The following RFX3 variants were observed in gnomAD, a reference collection of about 807,000 sequenced individuals.
RFX3 encodes the protein regulatory factor X3, also known as transcription factor RFX3.
Under a neutral mutation model 98.6 loss-of-function variants are expected in RFX3, and 14 were observed. That is an observed-to-expected ratio of 0.14 (90% confidence interval 0.09 to 0.22). The LOEUF (loss-of-function observed/expected upper bound fraction) is 0.22. Ranked by LOEUF, RFX3 falls within the 10% of genes least tolerant of loss-of-function variation. The pLI is 1.00. For synonymous variants in RFX3, 383 were observed against 328.4 expected (o/e 1.17, Z -1.80); for missense variants, 639 against 926.9 (o/e 0.69, Z 4.03).
At chr9:3,416,713 C>T (rs1362276798) in intron 1 of RFX3, among the ~76,000 whole-genome samples, 1 of 151,900 alleles carries the variant, frequency 6.6e-6, no homozygotes, top group Non-Finnish European at 1.5e-5. Flanking sequence ...TTAGTAACCA[C>T]TGAAAGAGTA....
At chr9:3,326,260 A>G (rs1831903527) in intron 4 of RFX3, among the ~76,000 whole-genome samples, 1 of 152,160 alleles carries the variant, frequency 6.6e-6, no homozygotes, top group Non-Finnish European at 1.5e-5. Flanking sequence ...AAATTTGAGT[A>G]TTAGTAGTTG....
intron 3 of RFX3, among the ~76,000 whole-genome samples, chr9:3,344,479 G>A (rs568239540): frequency 1.4e-4 from 21 of 152,122 alleles, no homozygotes; most frequent in African/African-American, 4.3e-4. Context: ...TCAGATTTTC[G>A]GCTCAACTGG....
At chr9:3,263,106 T>C (rs771968114) in intron 12 of RFX3, 22 bp from the exon 13 acceptor site, 11 of 1,609,140 alleles carry the variant, frequency 6.8e-6, no homozygotes, top group Non-Finnish European at 9.3e-6. Flanking sequence ...TCCAATTAAG[T>C]TGGGATTCTG....
rs1290328879 is a variant in RFX3 at position 3,224,123 on chromosome 9, G to C, written c.*919C>G. Reference sequence around the variant, plus strand: ...GGAATAAAAGAAAGTCATCCAAATGGAATGGTTTCCTGTATGTCCAGCTCA... The same window carrying C: ...GGAATAAAAGAAAGTCATCCAAATGCAATGGTTTCCTGTATGTCCAGCTCA... On this transcript the variant is annotated 3_prime_UTR_variant, in exon 17 of 17. Coordinates refer to ENST00000617270, the MANE Select transcript of RFX3 (RefSeq NM_001282116.2). The C allele has an allele frequency of 6.6e-6, 1 of 151,934 alleles. No individual in the cohort carries two copies. The highest frequency in any genetic ancestry group is 1.5e-5 in the Non-Finnish European group (1 of 67,992). The allele number at this position is 151,934 out of a possible 1,614,324, so 9.4% of individuals were successfully genotyped here.
intron 5 of RFX3, 146 bp downstream of exon 5, chr9:3,301,400 T>A (rs1235803048): frequency 3.9e-6 from 2 of 507,384 alleles, no homozygotes; most frequent in Non-Finnish European, 7.2e-6. Flanking sequence ...AAAATAGCCA[T>A]TAAATGACAC....
chr9:3,291,495 A>C (rs188046110), intron 6 of RFX3, among the ~76,000 whole-genome samples: 77 of 152,276 alleles, frequency 5.1e-4, no homozygotes, highest in African/African-American at 1.8e-3. Flanking sequence ...GAACCATTAG[A>C]TCATACCCCT....
chr9:3,452,423 T>C, intron 1 of RFX3: 2 of 226,752 alleles, frequency 8.8e-6, no homozygotes, highest in Non-Finnish European at 1.9e-5. Context: ...AGACACCAGG[T>C]CTATAAAATA....
intron 3 of RFX3, among the ~76,000 whole-genome samples, chr9:3,336,248 C>T (rs1269664626): frequency 1.3e-5 from 2 of 151,974 alleles, no homozygotes; most frequent in Non-Finnish European, 1.5e-5. Flanking sequence ...ATTCTTTTAA[C>T]AAATATTTAA....
chr9:3,445,728 G>A (rs1845989229), intron 1 of RFX3, among the ~76,000 whole-genome samples: 3 of 152,042 alleles, frequency 2.0e-5, no homozygotes, highest in African/African-American at 7.2e-5. Flanking sequence ...CAACGCGATC[G>A]ATAGGAGATC....
chr9:3,366,663 TTTCTCTTTC>T, intron 2 of RFX3, among the ~76,000 whole-genome samples: 1 of 151,612 alleles, frequency 6.6e-6, no homozygotes, highest in African/African-American at 2.4e-5. Context: ...TTTCCTTTTC[TTTCTCTTTC>T]TCTTTCTTTC....
At position 3,424,113 on chromosome 9, in the gene RFX3, C is replaced by G. The variant is rs967029944; in HGVS notation, c.-8-28517G>C. On this transcript the variant is annotated intron_variant, in intron 1 of 16. Coordinates refer to ENST00000617270, the MANE Select transcript of RFX3 (RefSeq NM_001282116.2). ...AGTGAGCTGAGATCGCGCCACTACACTCCAGCCTGGGCGACAGAGGGAGAC... is the reference window on the plus strand; with the variant it reads ...AGTGAGCTGAGATCGCGCCACTACAGTCCAGCCTGGGCGACAGAGGGAGAC... 4.0e-5 allele frequency among the ~76,000 whole-genome samples: 6 copies of G among 150,426 alleles called. No individual in the cohort carries two copies. In the East Asian group the frequency reaches 1.0e-3, roughly 25 times the overall value.
At chr9:3,508,131 G>A (rs10814189) in intron 1 of RFX3, among the ~76,000 whole-genome samples, 23,901 of 151,846 alleles carry the variant, frequency 0.16, 3,249 homozygotes, top group East Asian at 0.57. Context: ...CTTTTTAGAG[G>A]ACTCTATTAA....
chr9:3,504,131 ATATATAT>A (rs1816369899), intron 1 of RFX3, among the ~76,000 whole-genome samples: 3 of 123,248 alleles, frequency 2.4e-5, no homozygotes, highest in South Asian at 4.6e-4. Context: ...CTCTCTCTTT[ATATATAT>A]TATATATTAT....
intron 15 of RFX3, among the ~76,000 whole-genome samples, chr9:3,239,900 G>C (rs1434267692): frequency 2.6e-5 from 4 of 152,292 alleles, no homozygotes; most frequent in Middle Eastern, 3.4e-3. Flanking sequence ...GTGGCTCTGA[G>C]TTCCCTTCCA....
chr9:3,262,720 T>C (rs75475607), intron 13 of RFX3, among the ~76,000 whole-genome samples: 3,561 of 152,304 alleles, frequency 0.023, 135 homozygotes, highest in African/African-American at 0.081. Context: ...ATATATTACG[T>C]TGTCTTTTAG....
At chr9:3,507,811 T>A (rs1817251261) in intron 1 of RFX3, among the ~76,000 whole-genome samples, 2 of 152,020 alleles carry the variant, frequency 1.3e-5, no homozygotes, top group Admixed American at 6.6e-5. Context: ...TGTTATATAT[T>A]GTTTTCTTTT....
intron 3 of RFX3, among the ~76,000 whole-genome samples, chr9:3,341,754 A>G (rs1004312948): frequency 4.6e-5 from 7 of 152,212 alleles, no homozygotes; most frequent in African/African-American, 1.4e-4. Context: ...AGAAATTTCT[A>G]TGTAACCAGA....
At chr9:3,364,118 C>T (rs747112273) in intron 2 of RFX3, among the ~76,000 whole-genome samples, 14 of 152,214 alleles carry the variant, frequency 9.2e-5, no homozygotes, top group East Asian at 1.9e-4. Context: ...TCATGATCTG[C>T]GGGCCTCGGC....
At chr9:3,239,283 C>A (rs1400963639) in intron 15 of RFX3, among the ~76,000 whole-genome samples, 1 of 152,174 alleles carries the variant, frequency 6.6e-6, no homozygotes, top group Non-Finnish European at 1.5e-5. Context: ...TTTGGTAAAA[C>A]CTTGTGTTCC....
Sources: gnomAD v4.1 joint callset for allele counts (sites outside exome capture counted in the v4.1 genomes callset) on GRCh38, gnomAD v4.1.1 for gene constraint, MANE v1.5 for transcripts, NCBI Gene and HGNC (gene_info 2026-07-23, HGNC 2026-07-21) for gene names.